CACNB2: variants seen among roughly 807,000 people sequenced by gnomAD.
CACNB2 encodes the protein calcium voltage-gated channel auxiliary subunit beta 2.
A neutral mutation model predicts 73.3 loss-of-function variants in CACNB2; 42 were observed. The observed-to-expected ratio is 0.57, with a 90% CI of 0.45 to 0.74. CACNB2 has a LOEUF of 0.74. CACNB2 is among the 30% of genes least tolerant of loss of function. The probability of loss-of-function intolerance (pLI) is 0.00; values close to 1 mark genes in which losing one functional copy is unlikely to be tolerated. For missense variants in CACNB2, 940 were observed against 853.0 expected, an observed-to-expected ratio of 1.10 and a Z score of -1.27; for synonymous variants, 348 against 310.3, an observed-to-expected ratio of 1.12 and a Z score of -1.28.
intron 2 of CACNB2, among the ~76,000 whole-genome samples, chr10:18,347,344 ATTTTTTTT>A (rs201654242): frequency 8.6e-4 from 104 of 120,818 alleles, no homozygotes; most frequent in African/African-American, 2.8e-3. Flanking sequence ...TGCCCGTCTA[ATTTTTTTT>A]TTTTTTTTTT....
At chr10:18,438,573 T>G (rs2046263709) in intron 3 of CACNB2, among the ~76,000 whole-genome samples, 2 of 152,192 alleles carry the variant, frequency 1.3e-5, no homozygotes, top group South Asian at 4.1e-4. Context: ...CCGCCAATAG[T>G]GATTCAAGCC....
intron 4 of CACNB2, 98 bp from the exon 5 acceptor site, chr10:18,500,714 T>C: frequency 5.8e-6 from 7 of 1,208,034 alleles, no homozygotes; most frequent in Non-Finnish European, 8.5e-6. Flanking sequence ...GCATAGTTAA[T>C]GGTCATTGCC....
At chr10:18,475,334 A>G (rs1470005999) in intron 3 of CACNB2, among the ~76,000 whole-genome samples, 2 of 152,026 alleles carry the variant, frequency 1.3e-5, no homozygotes, top group East Asian at 1.9e-4. Context: ...GTTGGGGCGG[A>G]AAGTTCAAAC....
chr10:18,264,060 G>A (rs2037677386), intron 2 of CACNB2, among the ~76,000 whole-genome samples: 1 of 152,146 alleles, frequency 6.6e-6, no homozygotes, highest in African/African-American at 2.4e-5. Flanking sequence ...AAATTTAAAA[G>A]GATATATAAA....
chr10:18,321,995 A>G (rs1345983182), intron 2 of CACNB2, among the ~76,000 whole-genome samples: 2 of 152,088 alleles, frequency 1.3e-5, no homozygotes, highest in Non-Finnish European at 2.9e-5. Context: ...TCTACAAAAA[A>G]TTATTAAAAA....
chr10:18,297,151 A>G (rs2039312927), intron 2 of CACNB2, among the ~76,000 whole-genome samples: 2 of 152,186 alleles, frequency 1.3e-5, no homozygotes, highest in South Asian at 4.1e-4. Context: ...CTTCATACCA[A>G]TTGCTAACTT....
In CACNB2 at chr10:18,328,707, C is replaced by T. The variant is rs571585521; in HGVS notation, c.214-73217C>T. Among the ~76,000 whole-genome samples, 72 of 152,182 alleles carry T rather than the reference C, an allele frequency of 4.7e-4. 1 individual carries two copies. In the South Asian group the frequency reaches 8.1e-3, roughly 17 times the overall value. ...CCTAAAGAGACTTGTACATTGAAGT[C>T]GATGTAGATTTGGGACTCAATTCAA... On this transcript the variant is annotated intron_variant, in intron 2 of 13. Coordinates refer to ENST00000324631, the MANE Select transcript of CACNB2 (RefSeq NM_201596.3).
At chr10:18,142,346 G>T (rs2030504268) in intron 1 of CACNB2, among the ~76,000 whole-genome samples, 1 of 152,178 alleles carries the variant, frequency 6.6e-6, no homozygotes, top group Non-Finnish European at 1.5e-5. Context: ...AGCCGAGTAG[G>T]GACATGTAAT....
intron 2 of CACNB2, among the ~76,000 whole-genome samples, chr10:18,281,648 C>T (rs1192033563): frequency 6.6e-6 from 1 of 152,044 alleles, no homozygotes; most frequent in Non-Finnish European, 1.5e-5. Flanking sequence ...CAGTCTGAGA[C>T]AAGGACTTAG....
intron 1 of CACNB2, 141 bp downstream of exon 1, chr10:18,140,997 T>G (rs2030327182): frequency 6.6e-7 from 1 of 1,523,760 alleles, no homozygotes; most frequent in South Asian, 1.3e-5. Context: ...TCTGCTCCTC[T>G]CCTGGCGCCG....
At chr10:18,167,870 C>T (rs2032963388) in intron 2 of CACNB2, among the ~76,000 whole-genome samples, 1 of 152,032 alleles carries the variant, frequency 6.6e-6, no homozygotes, top group African/African-American at 2.4e-5. Flanking sequence ...ATTTTACAGC[C>T]CCAGTGAAAA....
At chr10:18,531,918 C>A (rs994554549) in intron 10 of CACNB2, 3 of 152,100 alleles carry the variant, frequency 2.0e-5, no homozygotes, top group African/African-American at 7.2e-5. Flanking sequence ...AGGCTTGCCC[C>A]GTCTTCAAGA....
chr10:18,466,686 A>C (rs1029739982), intron 3 of CACNB2, among the ~76,000 whole-genome samples: 1 of 152,206 alleles, frequency 6.6e-6, no homozygotes, highest in Non-Finnish European at 1.5e-5. Flanking sequence ...AGAGATTCAC[A>C]CTTTAATGGG....
intron 2 of CACNB2, among the ~76,000 whole-genome samples, chr10:18,191,111 A>G (rs910606062): frequency 5.3e-5 from 8 of 152,228 alleles, no homozygotes; most frequent in African/African-American, 1.9e-4. Context: ...AGGAAAATAA[A>G]TGGATTCAAA....
chr10:18,506,357 A>G, intron 5 of CACNB2, 114 bp from the exon 6 acceptor site: 1 of 713,218 alleles, frequency 1.4e-6, no homozygotes. Context: ...CCTTAAATGA[A>G]AGATAAATTT....
intron 2 of CACNB2, among the ~76,000 whole-genome samples, chr10:18,227,265 A>T (rs2036029364): frequency 6.6e-6 from 1 of 152,116 alleles, no homozygotes; most frequent in Non-Finnish European, 1.5e-5. Flanking sequence ...GAGCAGAAGC[A>T]CAGGCATAGC....
chr10:18,314,433 G>A (rs930396426), intron 2 of CACNB2, among the ~76,000 whole-genome samples: 3 of 152,042 alleles, frequency 2.0e-5, no homozygotes, highest in Non-Finnish European at 4.4e-5. Flanking sequence ...TATCAATAGA[G>A]TATACTTTTT....
At chr10:18,353,711 A>G (rs2041806076) in intron 2 of CACNB2, among the ~76,000 whole-genome samples, 3 of 152,214 alleles carry the variant, frequency 2.0e-5, no homozygotes, top group Admixed American at 2.0e-4. Context: ...TGGCAATCCA[A>G]TTTGAGAGTA....
At chr10:18,447,731 G>C (rs1439154681) in intron 3 of CACNB2, among the ~76,000 whole-genome samples, 2 of 150,430 alleles carry the variant, frequency 1.3e-5, no homozygotes, top group Admixed American at 6.6e-5. Flanking sequence ...AAAAAAAAAG[G>C]CATGAACAGA....
Sources: allele counts gnomAD v4.1 joint callset (sites outside exome capture counted in the v4.1 genomes callset), GRCh38; gene constraint gnomAD v4.1.1; transcripts MANE v1.5; gene names NCBI Gene and HGNC (gene_info 2026-07-23, HGNC 2026-07-21).